The following CNTNAP2 variants were observed in gnomAD, a reference collection of about 807,000 sequenced individuals.
The protein encoded by CNTNAP2 is contactin-associated protein-like 2.
CNTNAP2 carries 98 observed loss-of-function variants against 155.2 expected under a neutral mutation model. The observed-to-expected ratio is 0.63, with a 90% CI of 0.54 to 0.75. The LOEUF (loss-of-function observed/expected upper bound fraction) is 0.75. Among genes scored for constraint, CNTNAP2 ranks in the 30% least tolerant of loss-of-function variants. The probability of loss-of-function intolerance (pLI) is 0.00; values close to 1 mark genes in which losing one functional copy is unlikely to be tolerated. For synonymous variants in CNTNAP2, 651 were observed against 631.2 expected, an observed-to-expected ratio of 1.03 and a Z score of -0.47; for missense variants, 1,727 against 1,688.1, an observed-to-expected ratio of 1.02 and a Z score of -0.40.
chr7:146,482,498 A>C (rs1310844463), intron 1 of CNTNAP2, among the ~76,000 whole-genome samples: 1 of 151,942 alleles, frequency 6.6e-6, no homozygotes, highest in Non-Finnish European at 1.5e-5. Context: ...TAATCCCAGC[A>C]CTTTGGGAGG....
At chr7:146,817,416 G>C (rs1563243886) in intron 2 of CNTNAP2, among the ~76,000 whole-genome samples, 2 of 151,554 alleles carry the variant, frequency 1.3e-5, no homozygotes, top group Non-Finnish European at 2.9e-5. Context: ...AAGTTGCAGT[G>C]AGCCGAGATC....
At chr7:147,738,167 C>G (rs936507936) in intron 13 of CNTNAP2, among the ~76,000 whole-genome samples, 4 of 152,090 alleles carry the variant, frequency 2.6e-5, no homozygotes, top group African/African-American at 9.7e-5. Flanking sequence ...AATCGCCCCC[C>G]GAAATTGGTT....
chr7:147,936,426 A>C (rs1340411074), intron 14 of CNTNAP2, among the ~76,000 whole-genome samples: 3 of 152,092 alleles, frequency 2.0e-5, no homozygotes. Context: ...AAAACTGGTT[A>C]TAAAAGAGGA....
chr7:147,410,715 T>C (rs1030603708), intron 10 of CNTNAP2, among the ~76,000 whole-genome samples: 2 of 149,752 alleles, frequency 1.3e-5, no homozygotes, highest in Admixed American at 1.4e-4. Context: ...TAGTGTAAAA[T>C]GCACAACAGA....
At position 147,771,780 on chromosome 7, in the gene CNTNAP2, G is replaced by T. The variant is rs191697221; in HGVS notation, c.2099-131785G>T. Among the ~76,000 whole-genome samples, 385 of 151,176 alleles carry T rather than the reference G, an allele frequency of 2.5e-3. 1 individual carries two copies. Among genetic ancestry groups the T allele is most frequent in the African/African-American group, 9.1e-3 (373 of 41,166 alleles). On this transcript the variant is annotated intron_variant, in intron 13 of 23. Transcript: ENST00000361727. ...TTTTTTCTGTTCCTAAAATCTTTTT[G>T]TAATCTTTACTGTAGAATTCTTAAT...
At chr7:146,610,688 G>C (rs571695109) in intron 1 of CNTNAP2, among the ~76,000 whole-genome samples, 4 of 152,180 alleles carry the variant, frequency 2.6e-5, no homozygotes, top group African/African-American at 9.6e-5. Flanking sequence ...TGCAAATCTA[G>C]ACTTCTAATG....
chr7:147,217,408 C>T (rs1803299041), intron 8 of CNTNAP2, among the ~76,000 whole-genome samples: 3 of 151,492 alleles, frequency 2.0e-5, no homozygotes, highest in Admixed American at 2.0e-4. Context: ...TATTAATATA[C>T]TTATGTGATT....
chr7:146,178,883 A>G (rs35933480), intron 1 of CNTNAP2, among the ~76,000 whole-genome samples: 16,804 of 152,216 alleles, frequency 0.11, 1,232 homozygotes, highest in Non-Finnish European at 0.17. Context: ...TCCTATCTAG[A>G]TAAACCTAGA....
chr7:146,566,519 C>G (rs1315460882), intron 1 of CNTNAP2, among the ~76,000 whole-genome samples: 1 of 151,816 alleles, frequency 6.6e-6, no homozygotes, highest in East Asian at 1.9e-4. Context: ...CATGGTGAAA[C>G]CCCGTCTCTA....
intron 19 of CNTNAP2, among the ~76,000 whole-genome samples, chr7:148,226,551 C>T (rs1029547048): frequency 2.0e-5 from 3 of 152,154 alleles, no homozygotes; most frequent in Non-Finnish European, 4.4e-5. Context: ...GTTGGGCAAG[C>T]GGGCCCAAGC....
intron 13 of CNTNAP2, among the ~76,000 whole-genome samples, chr7:147,677,554 C>T (rs1167842498): frequency 3.3e-5 from 5 of 151,566 alleles, no homozygotes; most frequent in African/African-American, 4.8e-5. Flanking sequence ...TTGCTTTTGT[C>T]GCCTGTGCTT....
intron 9 of CNTNAP2, among the ~76,000 whole-genome samples, chr7:147,384,807 G>T (rs563969230): frequency 6.6e-6 from 1 of 152,244 alleles, no homozygotes; most frequent in African/African-American, 2.4e-5. Context: ...CAAAAAAATT[G>T]CAAGAAGGAT....
intron 21 of CNTNAP2, among the ~76,000 whole-genome samples, chr7:148,345,167 ACT>A (rs955897833): frequency 2.0e-5 from 3 of 151,196 alleles, no homozygotes; most frequent in East Asian, 3.9e-4. Context: ...CCCATCTTTA[ACT>A]CTCTGCGGGG....
chr7:147,257,860 A>G (rs544636195), intron 8 of CNTNAP2, among the ~76,000 whole-genome samples: 1 of 152,340 alleles, frequency 6.6e-6, no homozygotes, highest in African/African-American at 2.4e-5. Context: ...TCGATAGTGG[A>G]GGTTCAGAGG....
chr7:146,917,286 G>T (rs567859848), intron 3 of CNTNAP2, among the ~76,000 whole-genome samples: 3 of 152,272 alleles, frequency 2.0e-5, no homozygotes, highest in East Asian at 1.9e-4. Context: ...ATATTCTGCA[G>T]TTGTTGGTTA....
intron 8 of CNTNAP2, among the ~76,000 whole-genome samples, chr7:147,214,766 C>T (rs36076673): frequency 0.14 from 20,860 of 152,068 alleles, 1,680 homozygotes; most frequent in African/African-American, 0.22. Context: ...TAGCCTCCTC[C>T]ATTATCAACA....
At chr7:147,583,279 A>C (rs543085368) in intron 12 of CNTNAP2, among the ~76,000 whole-genome samples, 98 of 152,110 alleles carry the variant, frequency 6.4e-4, no homozygotes, top group South Asian at 3.5e-3. Context: ...TAGAATCAGC[A>C]TGAAAGGAAT....
intron 12 of CNTNAP2, among the ~76,000 whole-genome samples, chr7:147,605,725 G>A (rs1466046222): frequency 6.6e-6 from 1 of 152,152 alleles, no homozygotes; most frequent in African/African-American, 2.4e-5. Flanking sequence ...TTCTCCCTGC[G>A]CTTTTGGGGG....
chr7:148,242,651 C>G (rs1341272094), intron 20 of CNTNAP2, among the ~76,000 whole-genome samples: 1 of 152,186 alleles, frequency 6.6e-6, no homozygotes, highest in Non-Finnish European at 1.5e-5. Context: ...CTTGCCGTTG[C>G]ATTCAAAGGG....
Sources: allele counts gnomAD v4.1 joint callset (sites outside exome capture counted in the v4.1 genomes callset), GRCh38; gene constraint gnomAD v4.1.1; transcripts MANE v1.5; gene names NCBI Gene and HGNC (gene_info 2026-07-23, HGNC 2026-07-21).